PUDP: variants seen among roughly 807,000 people sequenced by gnomAD.
PUDP encodes pseudouridine 5'-phosphatase.
In PUDP, 8 loss-of-function variants were observed where a neutral mutation model predicts 9.4. The observed-to-expected ratio is 0.85, with a 90% CI of 0.50 to 1.53. The LOEUF (loss-of-function observed/expected upper bound fraction) is 1.53, where lower values mean the gene tolerates loss of function less well. PUDP is among the 40% of genes most tolerant of loss of function. The probability of loss-of-function intolerance (pLI) is 0.00; values close to 1 mark genes in which losing one functional copy is unlikely to be tolerated. For missense variants in PUDP, 188 were observed against 189.7 expected, an observed-to-expected ratio of 0.99 and a Z score of 0.05; for synonymous variants, 99 against 80.7, an observed-to-expected ratio of 1.23 and a Z score of -1.22.
At chrX:6,733,459 T>C (rs1009467859) in intron 3 of PUDP, among the ~76,000 whole-genome samples, 2 of 111,481 alleles carry the variant, frequency 1.8e-5, no homozygotes, top group Non-Finnish European at 3.8e-5. Context: ...ATGGGGACTC[T>C]GGCCTTGACT....
At chrX:7,116,171 TAC>T (rs1231813399) in intron 1 of PUDP, among the ~76,000 whole-genome samples, 1 of 111,807 alleles carries the variant, frequency 8.9e-6, no homozygotes, top group African/African-American at 3.3e-5. Context: ...GGGAAAGCTT[TAC>T]AGTTGGAAAA....
At chrX:6,764,334 C>T (rs774361543) in intron 3 of PUDP, among the ~76,000 whole-genome samples, 1 of 111,976 alleles carries the variant, frequency 8.9e-6, no homozygotes, top group African/African-American at 3.2e-5. Flanking sequence ...ATATCAGAAA[C>T]AAAGGCCACC....
rs139894523 is a variant in PUDP at position 6,810,682 on chromosome X, C to T, written c.*248-104216G>A. ...CTGGAAGTCAATGATAAGATTAGCT[C>T]CTGATTGAACTGAGAAATTACTGCC... On this transcript the variant is annotated intron_variant and NMD_transcript_variant, in intron 3 of 3. Transcript: ENST00000655425. 1.4e-4 allele frequency among the ~76,000 whole-genome samples: 16 copies of T among 111,764 alleles called. No individual in the cohort carries two copies. The East Asian group carries it at 4.2e-3, about 29-fold the overall frequency.
intron 3 of PUDP, among the ~76,000 whole-genome samples, chrX:6,951,243 T>G (rs5933766): frequency 0.39 from 37,348 of 95,126 alleles, 4,930 homozygotes; most frequent in Non-Finnish European, 0.46. Context: ...CATCCATCCA[T>G]CATATCTATC....
chrX:7,078,520 T>A (rs1295416578), intron 2 of PUDP, among the ~76,000 whole-genome samples: 1 of 112,215 alleles, frequency 8.9e-6, no homozygotes, highest in East Asian at 2.8e-4. Context: ...CTCAAACTCC[T>A]GACCTCAGGT....
intron 3 of PUDP, among the ~76,000 whole-genome samples, chrX:6,881,657 C>T (rs886567499): frequency 1.8e-5 from 2 of 111,846 alleles, no homozygotes; most frequent in Admixed American, 1.9e-4. Flanking sequence ...TGCAACCTTT[C>T]ATTAACAAGT....
chrX:6,958,654 C>A (rs1454324183), intron 3 of PUDP, among the ~76,000 whole-genome samples: 1 of 107,003 alleles, frequency 9.3e-6, no homozygotes, highest in East Asian at 2.9e-4. Flanking sequence ...ATCGCTTGAA[C>A]CTGGGAAGCG....
At chrX:6,856,158 G>A (rs757161823) in intron 3 of PUDP, among the ~76,000 whole-genome samples, 2 of 111,181 alleles carry the variant, frequency 1.8e-5, no homozygotes, top group African/African-American at 6.5e-5. Context: ...TGTTGGAGAG[G>A]TGCAATAGGA....
At chrX:6,780,182 CAT>C (rs2146683324) in intron 3 of PUDP, among the ~76,000 whole-genome samples, 1 of 109,495 alleles carries the variant, frequency 9.1e-6, no homozygotes, top group South Asian at 3.9e-4. Context: ...CACATATACA[CAT>C]ACACACATTC....
chrX:6,711,252 T>C (rs1205750739), intron 1 of PUDP, among the ~76,000 whole-genome samples: 1 of 111,169 alleles, frequency 9.0e-6, no homozygotes, highest in African/African-American at 3.3e-5. Flanking sequence ...ATGAACAAAA[T>C]CCATGTAGAA....
intron 2 of PUDP, chrX:7,084,717 A>T (rs1164097696): frequency 9.0e-6 from 1 of 110,959 alleles, no homozygotes; most frequent in East Asian, 2.8e-4. Context: ...TGGCTATGTG[A>T]AAATCACTCA....
At chrX:6,820,778 T>C (rs1302363275) in intron 3 of PUDP, among the ~76,000 whole-genome samples, 1 of 112,032 alleles carries the variant, frequency 8.9e-6, no homozygotes, top group Non-Finnish European at 1.9e-5. Flanking sequence ...GCTGATTTCA[T>C]GGGCTGGCAT....
At chrX:6,987,241 G>A (rs974025253) in intron 1 of PUDP, among the ~76,000 whole-genome samples, 5 of 112,157 alleles carry the variant, frequency 4.5e-5, no homozygotes, top group African/African-American at 1.6e-4. Context: ...GAGGTGGCCT[G>A]AGGAAAGAGT....
intron 1 of PUDP, among the ~76,000 whole-genome samples, chrX:7,135,642 T>C (rs897833726): frequency 8.9e-6 from 1 of 112,556 alleles, no homozygotes; most frequent in Non-Finnish European, 1.9e-5. Flanking sequence ...ATGCATGCTT[T>C]ACATTCTTGT....
chrX:7,054,501 C>T (rs1028405833), intron 3 of PUDP, among the ~76,000 whole-genome samples: 2 of 112,021 alleles, frequency 1.8e-5, no homozygotes, highest in African/African-American at 6.5e-5. Flanking sequence ...GTAAGTAAAA[C>T]CCTCAGTGTT....
chrX:6,812,702 T>A (rs1254985326), intron 3 of PUDP, among the ~76,000 whole-genome samples: 1 of 112,301 alleles, frequency 8.9e-6, no homozygotes, highest in Non-Finnish European at 1.9e-5. Flanking sequence ...CCCTGTGTTT[T>A]TCCCTACCCC....
At chrX:6,934,612 G>C (rs1281226053) in intron 3 of PUDP, among the ~76,000 whole-genome samples, 1 of 106,933 alleles carries the variant, frequency 9.4e-6, no homozygotes, top group Non-Finnish European at 1.9e-5. Flanking sequence ...ATAATGACAG[G>C]ATCAAATTCA....
At chrX:7,031,616 A>G (rs1279762886) in intron 1 of PUDP, among the ~76,000 whole-genome samples, 1 of 112,225 alleles carries the variant, frequency 8.9e-6, no homozygotes, top group Non-Finnish European at 1.9e-5. Context: ...TTTAAAAAAC[A>G]AACAAACAAA....
chrX:6,723,491 AGT>A (rs199814585), upstream of PUDP, among the ~76,000 whole-genome samples: 1,099 of 105,717 alleles, frequency 0.01, 12 homozygotes, highest in African/African-American at 0.036. Flanking sequence ...ATAAATATAT[AGT>A]TTGATATTAT....
Sources: allele counts gnomAD v4.1 joint callset (sites outside exome capture counted in the v4.1 genomes callset), GRCh38; gene constraint gnomAD v4.1.1; transcripts MANE v1.5; gene names NCBI Gene and HGNC (gene_info 2026-07-23, HGNC 2026-07-21).